The following IQSEC2 variants were observed in gnomAD, a reference collection of about 807,000 sequenced individuals.
The protein encoded by IQSEC2 is IQ motif and SEC7 domain-containing protein 2.
Under a neutral mutation model 74.6 loss-of-function variants are expected in IQSEC2, and 6 were observed. The observed-to-expected ratio is 0.08, with a 90% confidence interval of 0.04 to 0.16. The LOEUF (loss-of-function observed/expected upper bound fraction) is 0.16. IQSEC2 is among the 10% of genes least tolerant of loss of function. The pLI is 1.00. For missense variants in IQSEC2, 734 were observed against 1,306.2 expected (o/e 0.56, Z 6.75); for synonymous variants, 494 against 544.5 (o/e 0.91, Z 1.29).
At chrX:53,248,292 A>G in intron 6 of IQSEC2, 56 bp from the exon 7 acceptor site, 6 of 1,178,969 alleles carry the variant, frequency 5.1e-6, no homozygotes, top group Non-Finnish European at 6.9e-6. Context: ...AAAACCTCTG[A>G]CCCACCTGGA....
chrX:53,296,327 G>A (rs1452109361), intron 1 of IQSEC2, among the ~76,000 whole-genome samples: 2 of 110,551 alleles, frequency 1.8e-5, no homozygotes, highest in African/African-American at 6.6e-5. Flanking sequence ...GAGCCACCGC[G>A]CCTGGCCCAG....
chrX:53,234,294 A>G lies in IQSEC2; in HGVS notation c.4392T>C (p.Ser1464=). The part of the protein sequence containing the change: ...PTSPHGPLHA[S]GPPGTANPPS... ...GGGGGTTGGCTGTGCCAGGGGGCCC[A>G]GAGGCGTGCAGCGGGCCATGGGGGG... The change falls in exon 15 of 15, where the codon TCT becomes TCC. Residue 1464 remains serine (S), a synonymous_variant. Coordinates refer to ENST00000642864, the MANE Select transcript of IQSEC2 (RefSeq NM_001111125.3). 3 of 839,205 alleles carry G rather than the reference A, an allele frequency of 3.6e-6. No homozygotes were observed. Among genetic ancestry groups the G allele is most frequent in the Non-Finnish European group, 4.6e-6 (3 of 653,468 alleles). 69.2% of individuals were successfully genotyped at this position (839,205 alleles called of 1,213,427 possible).
chrX:53,294,828 G>A (rs1556873861), intron 1 of IQSEC2, among the ~76,000 whole-genome samples: 1 of 110,893 alleles, frequency 9.0e-6, no homozygotes, highest in Non-Finnish European at 1.9e-5. Context: ...TTATTTGTTT[G>A]TTTGTTTATT....
At chrX:53,227,151 C>T (rs1331670912), downstream of IQSEC2, 1 of 112,723 alleles carries the variant, frequency 8.9e-6, no homozygotes, top group Non-Finnish European at 1.9e-5. Context: ...CCCCTCTCCA[C>T]CAGAAACACA....
chrX:53,238,170 C>T lies in IQSEC2; in HGVS notation c.3252G>A (p.Gln1084=), dbSNP rs1556860139. The T allele has an allele frequency of 8.3e-7, 1 of 1,205,591 alleles. No individual in the cohort carries two copies. Among genetic ancestry groups the T allele is most frequent in the Non-Finnish European group, 1.1e-6 (1 of 892,604 alleles). The change falls in exon 12 of 15, where the codon CAG becomes CAA. Residue 1084 remains glutamine (Q), a synonymous_variant. Transcript: ENST00000642864. ...SDLRESIAEV[Q]EMEKYRVESE... ...ACTCCACACGGTATTTCTCCATCTCCTGCACCTCCGCAATGGACTCGCGCA... is the reference window on the plus strand; with the variant it reads ...ACTCCACACGGTATTTCTCCATCTCTTGCACCTCCGCAATGGACTCGCGCA...
rs1276834678 is a variant in IQSEC2 at position 53,291,382 on chromosome X, C to CT, written c.737+512dup. Among the ~76,000 whole-genome samples the CT allele has an allele frequency of 2.7e-4, 30 of 111,780 alleles. 1 individual carries two copies. Among genetic ancestry groups the CT allele is most frequent in the African/African-American group, 8.8e-4 (27 of 30,798 alleles). ...AATAAAACGTACTGAAGCTTGTAAA[C>CT]TTTTTTTACCAAGCACACACAAAAA... On this transcript the variant is annotated intron_variant, in intron 2 of 14. Coordinates refer to ENST00000642864, the MANE Select transcript of IQSEC2 (RefSeq NM_001111125.3).
chrX:53,252,258 G>A (rs1219990314), intron 4 of IQSEC2, among the ~76,000 whole-genome samples: 4 of 108,589 alleles, frequency 3.7e-5, no homozygotes, highest in Non-Finnish European at 7.6e-5. Context: ...ACGGGGTTTC[G>A]CCATGATGGA....
At chrX:53,281,625 A>AGGCGG in intron 2 of IQSEC2, 5 of 936,588 alleles carry the variant, frequency 5.3e-6, no homozygotes, top group Non-Finnish European at 7.1e-6. Flanking sequence ...GGAACCAAGA[A>AGGCGG]GGCGGGGCCA....
At chrX:53,270,919 T>C (rs189927902) in intron 2 of IQSEC2, among the ~76,000 whole-genome samples, 40 of 111,436 alleles carry the variant, frequency 3.6e-4, no homozygotes, top group Non-Finnish European at 6.4e-4. Flanking sequence ...CGACCTTGGC[T>C]TCTCTCTCCC....
intron 10 of IQSEC2, chrX:53,239,717 G>C: frequency 5.2e-6 from 1 of 194,083 alleles, no homozygotes; most frequent in Admixed American, 7.0e-5. Flanking sequence ...GTCGGGTTCT[G>C]TCACCAGGCC....
chrX:53,241,076 C>T (rs1173625642), intron 10 of IQSEC2, among the ~76,000 whole-genome samples: 1 of 111,256 alleles, frequency 9.0e-6, no homozygotes, highest in Non-Finnish European at 1.9e-5. Context: ...GTGCCTGGCC[C>T]AAGCATCTTT....
intron 1 of IQSEC2, among the ~76,000 whole-genome samples, chrX:53,303,709 G>A (rs1285752143): frequency 9.1e-6 from 1 of 109,671 alleles, no homozygotes; most frequent in Non-Finnish European, 1.9e-5. Context: ...GCTGAGGCAG[G>A]AGAATCGCTT....
intron 1 of IQSEC2, among the ~76,000 whole-genome samples, chrX:53,319,181 C>T (rs2075405398): frequency 8.9e-6 from 1 of 112,154 alleles, no homozygotes. Flanking sequence ...GTTTCCCCAC[C>T]CCCAGCCCAG....
chrX:53,244,011 A>T (rs1475591614), intron 8 of IQSEC2, among the ~76,000 whole-genome samples: 1 of 108,696 alleles, frequency 9.2e-6, no homozygotes, highest in Non-Finnish European at 1.9e-5. Context: ...CGAGGTCAGG[A>T]GATCAAGACC....
At chrX:53,245,394 A>T (rs2074287085) in intron 8 of IQSEC2, among the ~76,000 whole-genome samples, 1 of 106,484 alleles carries the variant, frequency 9.4e-6, no homozygotes. Context: ...CACCACTGCA[A>T]TCCAGCCTGG....
chrX:53,264,753 C>G (rs1368351494), intron 2 of IQSEC2, among the ~76,000 whole-genome samples: 3 of 108,787 alleles, frequency 2.8e-5, no homozygotes, highest in African/African-American at 1.0e-4. Flanking sequence ...CCCCACCCAC[C>G]TTGACATCTC....
chrX:53,294,283 T>C lies in IQSEC2; in HGVS notation c.708-2359A>G, dbSNP rs782765773. On this transcript the variant is annotated intron_variant, in intron 1 of 14. Transcript: ENST00000642864. ...GCGGGGAATTCGCCAATTCTCGCTA[T>C]GGACTGATTCTTACTAGCTTGAGGG... 6.2e-5 allele frequency among the ~76,000 whole-genome samples: 7 copies of C among 112,919 alleles called. No individual in the cohort carries two copies. The South Asian group carries it at 2.5e-3, about 41-fold the overall frequency.
intron 2 of IQSEC2, among the ~76,000 whole-genome samples, chrX:53,289,028 T>C (rs1174196194): frequency 1.8e-5 from 2 of 108,779 alleles, no homozygotes; most frequent in African/African-American, 3.4e-5. Context: ...CCCCATACTT[T>C]AGAAGCCCTC....
At chrX:53,309,909 G>C (rs2075305090) in intron 1 of IQSEC2, among the ~76,000 whole-genome samples, 1 of 112,016 alleles carries the variant, frequency 8.9e-6, no homozygotes, top group African/African-American at 3.2e-5. Context: ...TAGGAAGGAA[G>C]AAATATACCA....
Sources: allele counts gnomAD v4.1 joint callset (sites outside exome capture counted in the v4.1 genomes callset), GRCh38; gene constraint gnomAD v4.1.1; transcripts MANE v1.5; gene names NCBI Gene and HGNC (gene_info 2026-07-23, HGNC 2026-07-21).